Variants in CFHR4 observed in about 807,000 individuals in gnomAD.
The protein encoded by CFHR4 is complement factor H-related protein 4.
A neutral mutation model predicts 69.3 loss-of-function variants in CFHR4; 64 were observed. The ratio of observed to expected loss-of-function variants is 0.92; its 90% CI spans 0.76 to 1.14. The LOEUF (loss-of-function observed/expected upper bound fraction) is 1.14. Ranked by LOEUF, CFHR4 falls within the 50% of genes most tolerant of loss-of-function variation. CFHR4 has a pLI of 0.00. For synonymous variants in CFHR4, 244 were observed against 237.0 expected (o/e 1.03, Z -0.27); for missense variants, 636 against 684.9 (o/e 0.93, Z 0.80).
chr1:196,909,767 A>G (rs984215438), intron 5 of CFHR4, among the ~76,000 whole-genome samples: 1 of 151,372 alleles, frequency 6.6e-6, no homozygotes, highest in Admixed American at 6.6e-5. Context: ...GCTAACCACC[A>G]TGGCACACAT....
In CFHR4 at chr1:196,914,577, C is replaced by A; in HGVS notation, c.1263C>A (p.Tyr421Ter). 1 of 1,611,352 alleles carries A rather than the reference C, an allele frequency of 6.2e-7. No homozygotes were observed. The highest frequency in any genetic ancestry group is 8.5e-7 in the Non-Finnish European group (1 of 1,178,966). Reference sequence around the variant, plus strand: ...TTAAGCTCCATGACACATTGGACTACGAATGCTACGATGGATATGAAATCA... The same window carrying A: ...TTAAGCTCCATGACACATTGGACTAAGAATGCTACGATGGATATGAAATCA... ...MRFKLHDTLD[Y>*]ECYDGYEISY... The change falls in exon 8 of 10, where the codon TAC becomes TAA. Residue 421 changes from tyrosine to a stop codon, truncating the protein, a stop_gained. Coordinates refer to ENST00000608469, the MANE Select transcript of CFHR4 (RefSeq NM_001201550.3). LOFTEE classifies it high-confidence loss of function.
intron 1 of CFHR4, among the ~76,000 whole-genome samples, chr1:196,891,094 T>A (rs1471394272): frequency 6.6e-6 from 1 of 150,990 alleles, no homozygotes; most frequent in African/African-American, 2.4e-5. Context: ...CTACTAAAAA[T>A]TCAAAAAATT....
rs190970639 is a variant in CFHR4, at chr1:196,903,362, T to C, written c.256+747T>C. ...ATAGGGCCAAGCAGCAATAGAAATA[T>C]AAGTCAGGGGCCAGGCGCAGTGGCT... On this transcript the variant is annotated intron_variant, in intron 2 of 9. Transcript: ENST00000608469. Among the ~76,000 whole-genome samples, 169 of 151,236 alleles carry C rather than the reference T, an allele frequency of 1.1e-3. 4 individuals carry two copies. Among genetic ancestry groups the C allele is most frequent in the African/African-American group, 4.0e-3 (164 of 41,014 alleles).
At chr1:196,895,247 CTTAA>C (rs1237170452) in intron 1 of CFHR4, among the ~76,000 whole-genome samples, 2 of 151,410 alleles carry the variant, frequency 1.3e-5, no homozygotes, top group Non-Finnish European at 2.9e-5. Flanking sequence ...AATTAAAAAA[CTTAA>C]TTAAATTAAA....
At chr1:196,908,288 C>A (rs1658025921) in intron 5 of CFHR4, among the ~76,000 whole-genome samples, 1 of 151,278 alleles carries the variant, frequency 6.6e-6, no homozygotes. Context: ...GCACATGTAC[C>A]CCGAACTTAA....
chr1:196,891,647 A>AT (rs1657044214), intron 1 of CFHR4, among the ~76,000 whole-genome samples: 1 of 151,336 alleles, frequency 6.6e-6, no homozygotes, highest in African/African-American at 2.4e-5. Context: ...TTAAGATTTC[A>AT]TAACAAATAG....
intron 1 of CFHR4, among the ~76,000 whole-genome samples, chr1:196,891,453 A>T (rs1657031629): frequency 6.6e-6 from 1 of 151,244 alleles, no homozygotes; most frequent in Non-Finnish European, 1.5e-5. Context: ...AGAAGCTGTC[A>T]TGCGTCACCC....
rs1656947685 is a variant in CFHR4 at position 196,890,193 on chromosome 1, T to C, written c.58+1985T>C. 1.3e-5 allele frequency among the ~76,000 whole-genome samples: 2 copies of C among 151,666 alleles called. 1 individual carries two copies. Among genetic ancestry groups the C allele is most frequent in the Non-Finnish European group, 2.9e-5 (2 of 67,966 alleles). On this transcript the variant is annotated intron_variant, in intron 1 of 9. Coordinates refer to ENST00000608469, the MANE Select transcript of CFHR4 (RefSeq NM_001201550.3). ...GAATTTGATAATTATATCTTGGCTG[T>C]ATTGTCTTCGCTGAGTTTTGTCTAG...
chr1:196,906,021 A>G (rs1657892138), intron 3 of CFHR4, among the ~76,000 whole-genome samples: 1 of 151,570 alleles, frequency 6.6e-6, no homozygotes, highest in Non-Finnish European at 1.5e-5. Context: ...GCATTCACCA[A>G]GATTTGTAAA....
intron 7 of CFHR4, among the ~76,000 whole-genome samples, chr1:196,913,381 T>TA: frequency 6.6e-6 from 1 of 151,518 alleles, no homozygotes; most frequent in Non-Finnish European, 1.5e-5. Context: ...CCGTAATAAT[T>TA]TGTATCAATG....
At chr1:196,913,574 T>C (rs761843518) in intron 7 of CFHR4, among the ~76,000 whole-genome samples, 1 of 151,520 alleles carries the variant, frequency 6.6e-6, no homozygotes, top group Non-Finnish European at 1.5e-5. Context: ...GATAAAGAGA[T>C]TGCATAATGA....
In CFHR4 at chr1:196,910,333, G is replaced by A. The variant is rs753643477; in HGVS notation, c.852G>A (p.Glu284=). ...PEIQHGHLYY[E]NTRRPYFPVA... is the part of the protein sequence containing the mutation. ...TTCAACATGGACATCTATATTATGA[G>A]AATACGCGTAGACCATACTTTCCAG... Residue 284 remains glutamate (E), a synonymous_variant, in exon 6 of 10, where the codon GAG becomes GAA. Transcript: ENST00000608469. 2 of 1,611,190 alleles carry A rather than the reference G, an allele frequency of 1.2e-6. No individual in the cohort carries two copies. The highest frequency in any genetic ancestry group is 2.2e-5 in the South Asian group (2 of 90,858).
chr1:196,900,768 C>T (rs901750548), intron 1 of CFHR4, among the ~76,000 whole-genome samples: 1 of 150,840 alleles, frequency 6.6e-6, no homozygotes, highest in African/African-American at 2.5e-5. Context: ...AAACAGTGGT[C>T]GGGGGGAAAC....
chr1:196,904,272 G>A (rs1287177764), intron 2 of CFHR4, among the ~76,000 whole-genome samples: 3 of 151,534 alleles, frequency 2.0e-5, no homozygotes, highest in East Asian at 1.9e-4. Context: ...GAGATTAATC[G>A]AAAAGTTGAC....
intron 9 of CFHR4, among the ~76,000 whole-genome samples, chr1:196,916,314 C>A (rs2478003): frequency 0.033 from 3,844 of 117,436 alleles, 22 homozygotes; most frequent in East Asian, 0.092. Flanking sequence ...TCAGTCCTTG[C>A]ATGTCAGATA....
chr1:196,914,124 T>C (rs1658438872), intron 7 of CFHR4, among the ~76,000 whole-genome samples: 1 of 151,402 alleles, frequency 6.6e-6, no homozygotes, highest in Admixed American at 6.6e-5. Flanking sequence ...CATAACTACA[T>C]AAATGGTTTC....
In CFHR4 at chr1:196,907,304, A is replaced by T. The variant is rs34175798; in HGVS notation, c.617-12A>T. ...TGTTGATTTTTCCCCAATGTAAAGT[A>T]TTTTTTTTCAGATTCTTCAGAAAAC... On this transcript the variant is annotated splice_polypyrimidine_tract_variant and intron_variant, in intron 4 of 9. Coordinates refer to ENST00000608469, the MANE Select transcript of CFHR4 (RefSeq NM_001201550.3). 5.0e-6 allele frequency: 8 copies of T among 1,595,544 alleles called. No individual in the cohort carries two copies. The highest frequency in any genetic ancestry group is 6.9e-6 in the Non-Finnish European group (8 of 1,164,762).
At chr1:196,907,789 C>T (rs1657995700) in intron 5 of CFHR4, among the ~76,000 whole-genome samples, 1 of 151,340 alleles carries the variant, frequency 6.6e-6, no homozygotes, top group African/African-American at 2.4e-5. Context: ...ATATGAAATA[C>T]AGCATCTCAC....
chr1:196,918,145 A>G lies in CFHR4; in HGVS notation c.1541-65A>G, dbSNP rs1243362947. On this transcript the variant is annotated intron_variant, in intron 9 of 9. Transcript: ENST00000608469. ...ATTTTATCCTAAACTACTCATTAGG[A>G]TGCATTTTATTTGCTCATGAAAGGC... The G allele has an allele frequency of 1.3e-5, 20 of 1,505,044 alleles. 1 individual carries two copies. The highest frequency in any genetic ancestry group is 1.5e-5 in the Non-Finnish European group (17 of 1,104,996). 93.2% of individuals were successfully genotyped at this position (1,505,044 alleles called of 1,614,324 possible). A position where few individuals can be genotyped will look rare whatever the true frequency, so the allele number is the denominator to read the frequency against.
Sources: gnomAD v4.1 joint callset for allele counts (sites outside exome capture counted in the v4.1 genomes callset) on GRCh38, gnomAD v4.1.1 for gene constraint, MANE v1.5 for transcripts, NCBI Gene and HGNC (gene_info 2026-07-23, HGNC 2026-07-21) for gene names.